PTPRG: variants seen among roughly 807,000 people sequenced by gnomAD.
PTPRG encodes the protein protein tyrosine phosphatase receptor type G.
A neutral mutation model predicts 165.3 loss-of-function variants in PTPRG; 102 were observed. The observed-to-expected ratio is 0.62, with a 90% CI of 0.53 to 0.73. The LOEUF is 0.73. Ranked by LOEUF, PTPRG falls within the 30% of genes least tolerant of loss-of-function variation. The pLI is 0.00. For missense variants in PTPRG, 1,866 were observed against 1,861.4 expected (o/e 1.00, Z -0.05); for synonymous variants, 675 against 669.5 (o/e 1.01, Z -0.13).
chr3:61,965,486 TC>T (rs1427625265), intron 2 of PTPRG, among the ~76,000 whole-genome samples: 3 of 72,232 alleles, frequency 4.2e-5, no homozygotes, highest in African/African-American at 7.2e-5. Flanking sequence ...AGACTCCGTC[TC>T]AAAAAAAAAA....
chr3:61,861,354 T>TG (rs1177480844), intron 2 of PTPRG, among the ~76,000 whole-genome samples: 1 of 152,124 alleles, frequency 6.6e-6, no homozygotes, highest in Non-Finnish European at 1.5e-5. Context: ...TTTGTCAAGC[T>TG]GGGGGCCAAA....
At chr3:62,101,055 AT>A (rs1235355594) in intron 5 of PTPRG, among the ~76,000 whole-genome samples, 10 of 152,260 alleles carry the variant, frequency 6.6e-5, no homozygotes, top group African/African-American at 2.4e-4. Flanking sequence ...GTATGAAAAT[AT>A]TTGTTAATAA....
chr3:62,042,928 T>C (rs1700175506), intron 4 of PTPRG, among the ~76,000 whole-genome samples: 1 of 152,172 alleles, frequency 6.6e-6, no homozygotes, highest in Non-Finnish European at 1.5e-5. Context: ...ACCTTTATCC[T>C]TTGACCCACA....
At chr3:61,818,042 G>GA (rs1043414330) in intron 2 of PTPRG, among the ~76,000 whole-genome samples, 1 of 150,736 alleles carries the variant, frequency 6.6e-6, no homozygotes, top group Admixed American at 6.6e-5. Flanking sequence ...ATCACTTTGT[G>GA]AAAATAACAG....
intron 2 of PTPRG, among the ~76,000 whole-genome samples, chr3:61,972,401 TG>T (rs751315509): frequency 6.9e-6 from 1 of 144,646 alleles, no homozygotes; most frequent in Non-Finnish European, 1.5e-5. Context: ...AGCATGCTGT[TG>T]GGGGGTTTCA....
chr3:61,596,054 C>T (rs544034495), intron 1 of PTPRG, among the ~76,000 whole-genome samples: 21 of 152,244 alleles, frequency 1.4e-4, no homozygotes, highest in African/African-American at 4.6e-4. Context: ...TGCACAATCT[C>T]CATTTGTATT....
intron 1 of PTPRG, among the ~76,000 whole-genome samples, chr3:61,677,523 G>C (rs1703274610): frequency 6.6e-6 from 1 of 152,308 alleles, no homozygotes; most frequent in East Asian, 1.9e-4. Flanking sequence ...CAATAAATCA[G>C]TGATGAATTT....
chr3:61,785,767 A>G (rs150952557), intron 2 of PTPRG, among the ~76,000 whole-genome samples: 2 of 152,322 alleles, frequency 1.3e-5, no homozygotes, highest in East Asian at 3.9e-4. Context: ...ACAATAGAGA[A>G]CTCATAAGCA....
At chr3:61,703,148 C>CT (rs200580288) in intron 1 of PTPRG, among the ~76,000 whole-genome samples, 131 of 143,900 alleles carry the variant, frequency 9.1e-4, no homozygotes, top group Middle Eastern at 3.7e-3. Flanking sequence ...GAAGTTGAAT[C>CT]TTTTTTTTTT....
At chr3:61,694,819 G>C (rs1410427637) in intron 1 of PTPRG, among the ~76,000 whole-genome samples, 2 of 152,284 alleles carry the variant, frequency 1.3e-5, no homozygotes, top group Admixed American at 1.3e-4. Flanking sequence ...ACGGTGTTCT[G>C]TTTAAGATTG....
At chr3:61,590,237 A>AG (rs397699194) in intron 1 of PTPRG, among the ~76,000 whole-genome samples, 1 of 150,404 alleles carries the variant, frequency 6.6e-6, no homozygotes, top group African/African-American at 2.5e-5. Flanking sequence ...AAAAAAAAAA[A>AG]TAGGCTGGGT....
chr3:61,888,897 A>G (rs2038130420), intron 2 of PTPRG, among the ~76,000 whole-genome samples: 1 of 152,162 alleles, frequency 6.6e-6, no homozygotes, highest in South Asian at 2.1e-4. Context: ...TATGGCAGTT[A>G]TTTTGCAGAA....
At chr3:62,049,901 G>T (rs1175503580) in intron 4 of PTPRG, among the ~76,000 whole-genome samples, 1 of 152,138 alleles carries the variant, frequency 6.6e-6, no homozygotes, top group Admixed American at 6.5e-5. Context: ...GCTGGACTTT[G>T]AAAAACATCA....
chr3:61,758,663 G>A (rs1267578044), intron 2 of PTPRG, among the ~76,000 whole-genome samples: 2 of 152,066 alleles, frequency 1.3e-5, no homozygotes, highest in Non-Finnish European at 2.9e-5. Context: ...ATATTGGCCA[G>A]GCTGGTCTCG....
At chr3:62,132,753 A>AATAGGTGTCACCCTCTGTC in intron 6 of PTPRG, 85 bp downstream of exon 6, 1 of 1,181,978 alleles carries the variant, frequency 8.5e-7, no homozygotes, top group Non-Finnish European at 1.3e-6. Flanking sequence ...CTTGCAGAGG[A>AATAGGTGTCACCCTCTGTC]CAGAGGGTGA....
rs1034440786 is a variant in PTPRG at position 61,989,658 on chromosome 3, G to C, written c.224G>C (p.Ser75Thr). Reference sequence around the variant, plus strand: ...GGTCCTGAGCACTGGGTCACGTCTAGTGTCAGCTGTGGGGGCCGTCACCAG... The same window carrying C: ...GGTCCTGAGCACTGGGTCACGTCTACTGTCAGCTGTGGGGGCCGTCACCAG... ...AYGPEHWVTSSVSCGGRHQSP... is the reference protein window; with the variant it reads ...AYGPEHWVTSTVSCGGRHQSP... The change falls in exon 3 of 30, where the codon AGT becomes ACT. Residue 75 changes from serine to threonine, a missense_variant. Ser to Thr is a moderately conservative substitution (Grantham distance 58, BLOSUM62 1). Around this residue, in one of 3 missense-constraint regions of PTPRG, gnomAD observed 408 missense variants for 376.2 expected, o/e 1.08. Transcript: ENST00000474889. The C allele has an allele frequency of 9.9e-6, 16 of 1,614,124 alleles. No homozygotes were observed. The highest frequency in any genetic ancestry group is 1.1e-5 in the South Asian group (1 of 91,076).
In PTPRG at chr3:62,277,496, A is replaced by C. The variant is rs1022284142; in HGVS notation, c.3637-55A>C. 6 of 1,570,464 alleles carry C rather than the reference A, an allele frequency of 3.8e-6. No individual in the cohort carries two copies. The East Asian group carries it at 9.0e-5, about 23-fold the overall frequency. ...TTTCATGAATATATTTTACTACCAC[A>C]AAGTTAGAATAAAACACTCATATTC... On this transcript the variant is annotated intron_variant, in intron 25 of 29. Coordinates refer to ENST00000474889, the MANE Select transcript of PTPRG (RefSeq NM_002841.4).
chr3:62,049,123 A>AAC (rs1177450093), intron 4 of PTPRG, among the ~76,000 whole-genome samples: 2 of 144,934 alleles, frequency 1.4e-5, no homozygotes, highest in African/African-American at 5.0e-5. Flanking sequence ...AACAAAACAA[A>AAC]AAAAAAAACA....
chr3:61,957,400 T>C (rs1445979270), intron 2 of PTPRG, among the ~76,000 whole-genome samples: 1 of 152,256 alleles, frequency 6.6e-6, no homozygotes, highest in African/African-American at 2.4e-5. Context: ...TCTTTCTCAC[T>C]TGCCATCTGC....
Sources: gnomAD v4.1 joint callset for allele counts (sites outside exome capture counted in the v4.1 genomes callset) on GRCh38, gnomAD v4.1.1 for gene constraint, gnomAD v4.1.1 regional missense constraint, MANE v1.5 for transcripts, NCBI Gene and HGNC (gene_info 2026-07-23, HGNC 2026-07-21) for gene names.